Variants in CTTN observed in about 807,000 individuals in gnomAD.
CTTN encodes the protein src substrate cortactin.
CTTN carries 28 observed loss-of-function variants against 84.0 expected under a neutral mutation model. The ratio of observed to expected loss-of-function variants is 0.33; its 90% confidence interval spans 0.25 to 0.46. The LOEUF is 0.46. CTTN is among the 20% of genes least tolerant of loss of function. The pLI is 1.00. For synonymous variants in CTTN, 301 were observed against 288.8 expected (o/e 1.04, Z -0.43); for missense variants, 641 against 723.8 (o/e 0.89, Z 1.31).
chr11:70,404,871 G>A (rs942492990), intron 1 of CTTN, among the ~76,000 whole-genome samples: 19 of 152,098 alleles, frequency 1.2e-4, no homozygotes, highest in Non-Finnish European at 2.2e-4. Context: ...GCGTGGTGGC[G>A]CCTGCCTGTA....
intron 13 of CTTN, among the ~76,000 whole-genome samples, chr11:70,427,180 T>C (rs988110870): frequency 2.0e-5 from 3 of 152,026 alleles, no homozygotes; most frequent in African/African-American, 7.2e-5. Context: ...TGAAACCCTG[T>C]CTCTACTAAA....
chr11:70,432,311 T>C (rs550395968), intron 15 of CTTN, among the ~76,000 whole-genome samples: 2 of 152,270 alleles, frequency 1.3e-5, no homozygotes, highest in Admixed American at 1.3e-4. Context: ...GTTCAGCCCT[T>C]GTGTGGTTCC....
chr11:70,410,022 G>C, intron 5 of CTTN, 62 bp downstream of exon 5: 1 of 1,580,216 alleles, frequency 6.3e-7, no homozygotes, highest in Non-Finnish European at 8.7e-7. Context: ...AGACTGGGTG[G>C]CAGAGTCGTC....
rs267603162 is a variant in CTTN, at chr11:70,435,117, C to T, written c.1608C>T (p.Gly536=). The T allele has an allele frequency of 6.2e-7, 1 of 1,613,618 alleles. No individual in the cohort carries two copies. The highest frequency in any genetic ancestry group is 1.7e-5 in the Admixed American group (1 of 60,024). ...DDGWWRGVCK[G]RYGLFPANYV... is the part of the protein sequence containing the mutation. ...GCTGGTGGCGCGGGGTGTGCAAGGG[C>T]CGGTACGGGCTCTTCCCAGCCAACT... is the stretch of plus-strand genomic sequence containing the variant. Residue 536 remains glycine (G), a synonymous_variant, in exon 18 of 18, where the codon GGC becomes GGT. Coordinates refer to ENST00000301843, the MANE Select transcript of CTTN (RefSeq NM_005231.4).
chr11:70,434,391 G>A lies in CTTN; in HGVS notation c.1517-635G>A, dbSNP rs138201118. Among the ~76,000 whole-genome samples the A allele has an allele frequency of 4.7e-4, 71 of 152,380 alleles. No individual in the cohort carries two copies. In the South Asian group the frequency reaches 6.0e-3, roughly 13 times the overall value. On this transcript the variant is annotated intron_variant, in intron 17 of 17. Transcript: ENST00000301843. ...AGTTGACAAGCATCTTACGGGTGGC[G>A]TGGGATTCCCCTCAGAACCCCCGGC... is the stretch of plus-strand genomic sequence containing the variant.
intron 16 of CTTN, 71 bp downstream of exon 16, chr11:70,433,349 G>A: frequency 4.8e-6 from 7 of 1,459,148 alleles, no homozygotes; most frequent in Non-Finnish European, 6.4e-6. Flanking sequence ...TCGACCTGTG[G>A]CGTCGTTGCG....
chr11:70,410,434 C>T (rs547019207), intron 5 of CTTN: 1 of 162,524 alleles, frequency 6.2e-6, no homozygotes, highest in Non-Finnish European at 1.4e-5. Context: ...GAGCAGTCTC[C>T]CTCGTGTAAA....
chr11:70,424,743 A>G (rs575043203), intron 12 of CTTN, among the ~76,000 whole-genome samples: 5 of 152,164 alleles, frequency 3.3e-5, no homozygotes, highest in Non-Finnish European at 7.4e-5. Flanking sequence ...GCTGGGCAGA[A>G]AGGGGCCATG....
intron 1 of CTTN, among the ~76,000 whole-genome samples, chr11:70,400,049 C>T (rs1050808861): frequency 2.0e-5 from 3 of 152,172 alleles, no homozygotes; most frequent in African/African-American, 7.2e-5. Flanking sequence ...GCCAGATACT[C>T]AAGGAACAAG....
rs2058406113 is a variant in CTTN at position 70,435,399 on chromosome 11, T to C, written c.*237T>C. 1 of 1,496,444 alleles carries C rather than the reference T, an allele frequency of 6.7e-7. No individual in the cohort carries two copies. The highest frequency in any genetic ancestry group is 8.8e-7 in the Non-Finnish European group (1 of 1,133,476). 92.7% of individuals were successfully genotyped at this position (1,496,444 alleles called of 1,614,324 possible). On this transcript the variant is annotated 3_prime_UTR_variant, in exon 18 of 18. Transcript: ENST00000301843. The stretch of plus-strand genomic sequence containing the variant: ...GTAATCACATTCCTTAGGAGGACTT[T>C]GGTAATTGGTTTTATGCATTGATGG...
At chr11:70,416,371 T>G (rs1353874157) in intron 7 of CTTN, among the ~76,000 whole-genome samples, 1 of 152,184 alleles carries the variant, frequency 6.6e-6, no homozygotes, top group African/African-American at 2.4e-5. Context: ...TTGTCTCCCA[T>G]GTTCAGCTGC....
At chr11:70,423,475 G>A (rs1019776726) in intron 12 of CTTN, among the ~76,000 whole-genome samples, 1 of 152,252 alleles carries the variant, frequency 6.6e-6, no homozygotes, top group Non-Finnish European at 1.5e-5. Flanking sequence ...CGCGTGGCCT[G>A]TGGTCAGGGG....
chr11:70,419,007 C>T (rs1460121249), intron 8 of CTTN, among the ~76,000 whole-genome samples: 19 of 151,770 alleles, frequency 1.3e-4, no homozygotes, highest in Non-Finnish European at 2.6e-4. Context: ...GATCTCTTGA[C>T]CTCATGATCC....
intron 13 of CTTN, among the ~76,000 whole-genome samples, chr11:70,427,065 C>T (rs73518284): frequency 0.01 from 1,558 of 151,004 alleles, 30 homozygotes; most frequent in African/African-American, 0.035. Context: ...AAGAATAAAC[C>T]TTGGCCGGGT....
intron 12 of CTTN, among the ~76,000 whole-genome samples, chr11:70,423,553 A>T (rs2058267045): frequency 6.6e-6 from 1 of 152,222 alleles, no homozygotes; most frequent in African/African-American, 2.4e-5. Context: ...CAGGCAGAGC[A>T]GGTGTTCGGG....
chr11:70,416,721 C>T, intron 7 of CTTN: 2 of 301,408 alleles, frequency 6.6e-6, no homozygotes, highest in Non-Finnish European at 1.3e-5. Context: ...TGAAGCTTTC[C>T]AGCTTTTACC....
At chr11:70,422,814 C>A in intron 11 of CTTN, 126 bp from the exon 12 acceptor site, 1 of 1,531,770 alleles carries the variant, frequency 6.5e-7, no homozygotes, top group Admixed American at 2.0e-5. Flanking sequence ...CTCGCTTGGC[C>A]ATTCTCGTTT....
At position 70,435,164 on chromosome 11, in the gene CTTN, G is replaced by T; in HGVS notation, c.*2G>T. ...AACTATGTGGAGCTGCGGCAGTAGG[G>T]CCCCCAGCCCCCCCCCGGAGCTGCG... On this transcript the variant is annotated 3_prime_UTR_variant, in exon 18 of 18. Transcript: ENST00000301843. The T allele has an allele frequency of 1.9e-6, 3 of 1,604,202 alleles. No homozygotes were observed. Among genetic ancestry groups the T allele is most frequent in the Non-Finnish European group, 1.7e-6 (2 of 1,175,988 alleles).
rs893164068 is a variant in CTTN at position 70,434,839 on chromosome 11, G to A, written c.1517-187G>A. Among the ~76,000 whole-genome samples the A allele has an allele frequency of 2.6e-5, 4 of 152,244 alleles. 1 individual carries two copies. Among genetic ancestry groups the A allele is most frequent in the Middle Eastern group, 6.3e-3 (2 of 316 alleles). Reference sequence around the variant, plus strand: ...CTCTGTGCCTCTTTGTACTCTCTCGGTTCATGTTCACAAATCCTGGCCTTG... The same window carrying A: ...CTCTGTGCCTCTTTGTACTCTCTCGATTCATGTTCACAAATCCTGGCCTTG... On this transcript the variant is annotated intron_variant, in intron 17 of 17. Transcript: ENST00000301843.
Sources: allele counts gnomAD v4.1 joint callset (sites outside exome capture counted in the v4.1 genomes callset), GRCh38; gene constraint gnomAD v4.1.1; transcripts MANE v1.5; gene names NCBI Gene and HGNC (gene_info 2026-07-23, HGNC 2026-07-21).